The following CYP26B1 variants were observed in gnomAD, a reference collection of about 807,000 sequenced individuals.
CYP26B1 encodes the protein cytochrome P450 family 26 subfamily B member 1, also known as cytochrome P450 26B1.
CYP26B1 carries 8 observed loss-of-function variants against 39.1 expected under a neutral mutation model. The observed-to-expected ratio is 0.20, with a 90% CI of 0.12 to 0.37. The LOEUF (loss-of-function observed/expected upper bound fraction) is 0.37. CYP26B1 is among the 10% of genes least tolerant of loss of function. The pLI, the probability that CYP26B1 is intolerant of heterozygous loss-of-function variation, is 1.00. For synonymous variants in CYP26B1, 321 were observed against 314.3 expected (o/e 1.02, Z -0.23); for missense variants, 615 against 707.0 (o/e 0.87, Z 1.48).
rs1676558794 is a variant in CYP26B1 at position 72,131,094 on chromosome 2, A to C, written c.*1133T>G. ...TATCCTTCCCCATACTCACGCCTGG[A>C]GTCAGGGCCAGTGCACTGGGGTGAA... On this transcript the variant is annotated 3_prime_UTR_variant, in exon 6 of 6. Coordinates refer to ENST00000001146, the MANE Select transcript of CYP26B1 (RefSeq NM_019885.4). 6.6e-6 allele frequency: 1 copy of C among 152,616 alleles called. No individual in the cohort carries two copies. Among genetic ancestry groups the C allele is most frequent in the African/African-American group, 2.4e-5 (1 of 41,460 alleles). The allele number at this position is 152,616 out of a possible 1,614,324, so 9.5% of individuals were successfully genotyped here. A position where few individuals can be genotyped will look rare whatever the true frequency, so the allele number is the denominator to read the frequency against.
intron 2 of CYP26B1, among the ~76,000 whole-genome samples, chr2:72,143,420 C>A (rs1396666488): frequency 2.0e-5 from 3 of 151,312 alleles, no homozygotes; most frequent in Non-Finnish European, 4.4e-5. Flanking sequence ...CGCCTGCTCT[C>A]CCCCCGCCCG....
chr2:72,145,834 C>G (rs1232096093), intron 1 of CYP26B1, among the ~76,000 whole-genome samples: 1 of 152,124 alleles, frequency 6.6e-6, no homozygotes, highest in Admixed American at 6.5e-5. Context: ...CCGCTCGGGC[C>G]GCGAGTCCAA....
rs1031276932 is a variant in CYP26B1, at chr2:72,144,217, C to A, written c.205-4G>T. On this transcript the variant is annotated splice_polypyrimidine_tract_variant and splice_region_variant and intron_variant, in intron 1 of 5. Coordinates refer to ENST00000001146, the MANE Select transcript of CYP26B1 (RefSeq NM_019885.4). The stretch of plus-strand genomic sequence containing the variant: ...GCGACGACTGGAAGCCAGAACCCTG[C>A]GGGAGCCACACCCGGGTCTCTCTCA... The A allele has an allele frequency of 6.3e-7, 1 of 1,582,326 alleles. No individual in the cohort carries two copies.
At position 72,132,482 on chromosome 2, in the gene CYP26B1, G is replaced by A; in HGVS notation, c.1284C>T (p.Arg428=). 6.2e-7 allele frequency: 1 copy of A among 1,613,160 alleles called. No individual in the cohort carries two copies. The highest frequency in any genetic ancestry group is 8.5e-7 in the Non-Finnish European group (1 of 1,179,582). Residue 428 remains arginine, a synonymous_variant, in exon 6 of 6, where the codon CGC becomes CGT. Coordinates refer to ENST00000001146, the MANE Select transcript of CYP26B1 (RefSeq NM_019885.4). The part of the protein sequence containing the change: ...SQARSEDKDG[R]FHYLPFGGGV... ...CGCCACCGAACGGGAGGTAATGGAAGCGGCCATCCTTGTCCTCGCTCCGCG... is the reference window on the plus strand; with the variant it reads ...CGCCACCGAACGGGAGGTAATGGAAACGGCCATCCTTGTCCTCGCTCCGCG...
chr2:72,139,972 G>C (rs548292454), intron 2 of CYP26B1, among the ~76,000 whole-genome samples: 1 of 152,322 alleles, frequency 6.6e-6, no homozygotes, highest in East Asian at 1.9e-4. Context: ...GTGTGGTCCC[G>C]GCATGTCTCA....
At chr2:72,137,526 G>A (rs372651032) in intron 2 of CYP26B1, among the ~76,000 whole-genome samples, 1 of 4,554 alleles carries the variant, frequency 2.2e-4, no homozygotes, top group East Asian at 8.6e-3. Flanking sequence ...CACCCCACGT[G>A]GGCCATAGTG....
intron 1 of CYP26B1, among the ~76,000 whole-genome samples, chr2:72,145,318 ACT>A (rs1677090956): frequency 6.6e-6 from 1 of 151,956 alleles, no homozygotes; most frequent in African/African-American, 2.4e-5. Context: ...CCGAAAAGTG[ACT>A]CTGCAGAACC....
At position 72,132,409 on chromosome 2, in the gene CYP26B1, C is replaced by T. The variant is rs769295445; in HGVS notation, c.1357G>A (p.Val453Met). 25 of 1,612,374 alleles carry T rather than the reference C, an allele frequency of 1.6e-5. No individual in the cohort carries two copies. Among genetic ancestry groups the T allele is most frequent in the Non-Finnish European group, 2.0e-5 (23 of 1,178,934 alleles). ...GTGCTAGCCAGCTCCACCGCCAGCA[C>T]CTTCAGGAACAGCTTGGCCAGGTGC... is the stretch of plus-strand genomic sequence containing the variant. The part of the protein sequence containing the change: ...GKHLAKLFLK[V>M]LAVELASTSR... The change falls in exon 6 of 6, where the codon GTG becomes ATG. Residue 453 changes from valine (V) to methionine (M), a missense_variant. Coordinates refer to ENST00000001146, the MANE Select transcript of CYP26B1 (RefSeq NM_019885.4).
At chr2:72,132,671 C>T (rs1276070834) in intron 5 of CYP26B1, 52 bp from the exon 6 acceptor site, 1 of 1,554,244 alleles carries the variant, frequency 6.4e-7, no homozygotes, top group African/African-American at 1.4e-5. Flanking sequence ...GAGGAGCCCA[C>T]AGAGGGCCCA....
chr2:72,146,946 C>A (rs1209219918), intron 1 of CYP26B1, among the ~76,000 whole-genome samples: 2 of 152,188 alleles, frequency 1.3e-5, no homozygotes, highest in Non-Finnish European at 2.9e-5. Flanking sequence ...CCCACACTCA[C>A]CTCTCCCAAG....
At chr2:72,138,795 G>C (rs2104070515) in intron 2 of CYP26B1, among the ~76,000 whole-genome samples, 2 of 152,274 alleles carry the variant, frequency 1.3e-5, no homozygotes, top group Middle Eastern at 6.8e-3. Context: ...CAACTCCCCT[G>C]CCAAGCCCCC....
Position 72,133,316 on chromosome 2 carries a change from C to A in CYP26B1, c.862-9G>T. The stretch of plus-strand genomic sequence containing the variant: ...AGCTCCAGGGTCCCGTCCTGCAGGG[C>A]ACAGAGGAGAGGTGTTGTTGGAGGT... On this transcript the variant is annotated splice_polypyrimidine_tract_variant and intron_variant, in intron 4 of 5. Coordinates refer to ENST00000001146, the MANE Select transcript of CYP26B1 (RefSeq NM_019885.4). 1.3e-6 allele frequency: 2 copies of A among 1,600,004 alleles called. No individual in the cohort carries two copies. The highest frequency in any genetic ancestry group is 2.2e-5 in the East Asian group (1 of 44,740).
chr2:72,145,176 C>T (rs1677085439), intron 1 of CYP26B1, among the ~76,000 whole-genome samples: 1 of 152,220 alleles, frequency 6.6e-6, no homozygotes. Context: ...CCGACTCGGG[C>T]TCCAGATCTA....
intron 2 of CYP26B1, among the ~76,000 whole-genome samples, chr2:72,142,327 C>T (rs1018008560): frequency 6.6e-6 from 1 of 152,208 alleles, no homozygotes; most frequent in Non-Finnish European, 1.5e-5. Context: ...CTGGCCACAC[C>T]TCCTTCCTCC....
At chr2:72,134,714 G>T in intron 4 of CYP26B1, 47 bp downstream of exon 4, 6 of 1,583,276 alleles carry the variant, frequency 3.8e-6, no homozygotes, top group Non-Finnish European at 5.2e-6. Context: ...GCTCAGAATG[G>T]AGCCTGGGTG....
chr2:72,142,040 C>G (rs975383843), intron 2 of CYP26B1, among the ~76,000 whole-genome samples: 1 of 152,164 alleles, frequency 6.6e-6, no homozygotes, highest in African/African-American at 2.4e-5. Flanking sequence ...GGAGCCATCG[C>G]GCCTCAGCCA....
rs771928746 is a variant in CYP26B1 at position 72,133,323 on chromosome 2, G to A, written c.862-16C>T. On this transcript the variant is annotated splice_polypyrimidine_tract_variant and intron_variant, in intron 4 of 5. Transcript: ENST00000001146. ...GGGTCCCGTCCTGCAGGGCACAGAG[G>A]AGAGGTGTTGTTGGAGGTGTGGGTT... is the stretch of plus-strand genomic sequence containing the variant. The A allele has an allele frequency of 3.1e-6, 5 of 1,597,310 alleles. No homozygotes were observed. Among genetic ancestry groups the A allele is most frequent in the South Asian group, 2.2e-5 (2 of 89,792 alleles).
chr2:72,147,713 C>T lies in CYP26B1; in HGVS notation c.122G>A (p.Arg41His), dbSNP rs768012386. ...QLWQLRWAAT[R>H]DKSCKLPIPK... ...GATGGGCAGCTTGCAGCTCTTGTCG[C>T]GAGTGGCGGCCCAGCGCAGCTGCCA... is the stretch of plus-strand genomic sequence containing the variant. Residue 41 changes from arginine to histidine, a missense_variant, in exon 1 of 6, where the codon CGC becomes CAC. Transcript: ENST00000001146. The surrounding 1 kb of genome is among the most constrained non-coding windows in gnomAD (Gnocchi z 6.1). 40 of 1,602,606 alleles carry T rather than the reference C, an allele frequency of 2.5e-5. No homozygotes were observed. The highest frequency in any genetic ancestry group is 3.3e-5 in the Non-Finnish European group (39 of 1,175,384).
In CYP26B1 at chr2:72,147,557, C is replaced by G; in HGVS notation, c.204+74G>C. The stretch of plus-strand genomic sequence containing the variant: ...CTTCAGGCTCCCGGCGCCCCCTGGC[C>G]GGCCCGCCGCTCCGTCTGCCCCGCG... On this transcript the variant is annotated intron_variant, in intron 1 of 5. Transcript: ENST00000001146. The surrounding 1 kb of genome is among the most constrained non-coding windows in gnomAD (Gnocchi z 6.1). The G allele has an allele frequency of 6.9e-7, 1 of 1,445,384 alleles. No individual in the cohort carries two copies. Among genetic ancestry groups the G allele is most frequent in the South Asian group, 1.3e-5 (1 of 75,008 alleles). The allele number at this position is 1,445,384 out of a possible 1,614,324, so 89.5% of individuals were successfully genotyped here.
Sources: allele counts gnomAD v4.1 joint callset (sites outside exome capture counted in the v4.1 genomes callset), GRCh38; gene constraint gnomAD v4.1.1; non-coding constraint Gnocchi (gnomAD v3.1); transcripts MANE v1.5; gene names NCBI Gene and HGNC (gene_info 2026-07-23, HGNC 2026-07-21).